The following JPT1 variants were observed in gnomAD, a reference collection of about 807,000 sequenced individuals.
The protein encoded by JPT1 is Jupiter microtubule associated homolog 1, also known as androgen-regulated protein 2.
Under a neutral mutation model 17.0 loss-of-function variants are expected in JPT1, and 5 were observed. The ratio of observed to expected loss-of-function variants is 0.29; its 90% CI spans 0.15 to 0.62. The LOEUF is 0.62. Ranked by LOEUF, JPT1 falls within the 20% of genes least tolerant of loss-of-function variation. The pLI, the probability that JPT1 is intolerant of heterozygous loss-of-function variation, is 0.85. For synonymous variants in JPT1, 71 were observed against 73.6 expected (o/e 0.96, Z 0.18); for missense variants, 158 against 188.1 (o/e 0.84, Z 0.94).
chr17:75,149,449 G>C (rs889454844), intron 1 of JPT1, among the ~76,000 whole-genome samples: 2 of 152,062 alleles, frequency 1.3e-5, no homozygotes, highest in African/African-American at 2.4e-5. Context: ...CTCACTGCAA[G>C]CTCCACCTCC....
At chr17:75,152,758 G>GAA (rs2074574100) in intron 1 of JPT1, 1 of 152,124 alleles carries the variant, frequency 6.6e-6, no homozygotes, top group Non-Finnish European at 1.5e-5. Context: ...AACACAAAAT[G>GAA]AAAAACCAAG....
intron 1 of JPT1, among the ~76,000 whole-genome samples, chr17:75,149,886 TAAGTC>T (rs2074514537): frequency 2.3e-5 from 3 of 128,748 alleles, no homozygotes; most frequent in Non-Finnish European, 3.4e-5. Flanking sequence ...CACACACACT[TAAGTC>T]AGCTTGACCA....
Position 75,154,464 on chromosome 17 carries a change from TG to T in JPT1, c.-68del. 1 of 1,449,522 alleles carries T rather than the reference TG, an allele frequency of 6.9e-7. No individual in the cohort carries two copies. The allele number at this position is 1,449,522 out of a possible 1,614,324, so 89.8% of individuals were successfully genotyped here. A position where few individuals can be genotyped will look rare whatever the true frequency, so the allele number is the denominator to read the frequency against. The stretch of plus-strand genomic sequence containing the variant: ...TCAAAGGGTCGGACCCGAGGGGCGC[TG>T]GGAAACTCCACACCCAACAGCCGAC... On this transcript the variant is annotated 5_prime_UTR_variant, in exon 1 of 5. Transcript: ENST00000409753.
intron 4 of JPT1, 77 bp downstream of exon 4, chr17:75,146,589 A>T (rs2074440147): frequency 2.6e-6 from 3 of 1,140,656 alleles, no homozygotes; most frequent in African/African-American, 3.1e-5. Context: ...TTTCCCCAAG[A>T]CATGATTTAA....
rs76782153 is a variant in JPT1 at position 75,140,184 on chromosome 17, G to A, written c.317-3934C>T. Among the ~76,000 whole-genome samples, 997 of 152,114 alleles carry A rather than the reference G, an allele frequency of 6.6e-3. 12 individuals are homozygous for A. The highest frequency in any genetic ancestry group is 0.022 in the African/African-American group (932 of 41,490). Reference sequence around the variant, plus strand: ...GCACACCTCAGCCTCCCGAAGGGCTGGGATTACAGGCATGAGCCACCGCGC... The same window carrying A: ...GCACACCTCAGCCTCCCGAAGGGCTAGGATTACAGGCATGAGCCACCGCGC... On this transcript the variant is annotated intron_variant, in intron 4 of 4. Transcript: ENST00000409753.
chr17:75,147,584 G>C lies in JPT1; in HGVS notation c.269C>G (p.Ala90Gly), dbSNP rs148356595. Residue 90 changes from alanine (A) to glycine (G), a missense_variant, in exon 3 of 5, where the codon GCA becomes GGA. By Grantham distance (60) the Ala-to-Gly change is moderately conservative. Transcript: ENST00000409753. Reference protein sequence around the residue: ...SGLQRRNSSEASSGDFLDLKG... With the variant: ...SGLQRRNSSEGSSGDFLDLKG... ...CAGATCTAAGAAGTCTCCGGAGCTT[G>C]CTTCAGAGGAGTTCCTTCTCTGCAG... The C allele has an allele frequency of 2.0e-4, 322 of 1,613,762 alleles. 1 individual carries two copies. Among genetic ancestry groups the C allele is most frequent in the Middle Eastern group, 1.8e-3 (11 of 6,062 alleles).
At chr17:75,150,085 T>A (rs2074518842) in intron 1 of JPT1, among the ~76,000 whole-genome samples, 1 of 152,168 alleles carries the variant, frequency 6.6e-6, no homozygotes. Context: ...TTCCTTTGAA[T>A]ATCATCTGTA....
chr17:75,152,829 C>T (rs779762379), intron 1 of JPT1: 2 of 152,168 alleles, frequency 1.3e-5, no homozygotes, highest in African/African-American at 4.8e-5. Context: ...AGAAAGGGAG[C>T]GACCAGTTTC....
rs371693377 is a variant in JPT1 at position 75,136,129 on chromosome 17, G to T, written c.438C>A (p.Gly146=). Reference sequence around the variant, plus strand: ...AACCCAAGACGAGGCTGGACTTGCCGCCAGGGGGATTTCTTCTGGATGGCA... The same window carrying T: ...AACCCAAGACGAGGCTGGACTTGCCTCCAGGGGGATTTCTTCTGGATGGCA... ...APVPSRRNPP[G]GKSSLVLG The change falls in exon 5 of 5, where the codon GGC becomes GGA. Residue 146 remains glycine (G), a synonymous_variant. Coordinates refer to ENST00000409753, the MANE Select transcript of JPT1 (RefSeq NM_016185.4). 6.2e-7 allele frequency: 1 copy of T among 1,614,236 alleles called. No individual in the cohort carries two copies. Among genetic ancestry groups the T allele is most frequent in the South Asian group, 1.1e-5 (1 of 91,084 alleles).
chr17:75,148,474 G>T (rs979586213), intron 2 of JPT1, 55 bp downstream of exon 2: 4 of 1,585,376 alleles, frequency 2.5e-6, no homozygotes, highest in Non-Finnish European at 2.6e-6. Flanking sequence ...CTGCATCTGT[G>T]GCTGTTGATG....
chr17:75,143,565 G>A (rs1351798502), intron 4 of JPT1, among the ~76,000 whole-genome samples: 1 of 151,462 alleles, frequency 6.6e-6, no homozygotes, highest in Non-Finnish European at 1.5e-5. Flanking sequence ...GCCAGGCATG[G>A]TGGCTTACAC....
chr17:75,143,761 G>A (rs1354687723), intron 4 of JPT1, among the ~76,000 whole-genome samples: 1 of 151,426 alleles, frequency 6.6e-6, no homozygotes, highest in African/African-American at 2.4e-5. Context: ...GCTTGAACCT[G>A]GGAGGCAGAG....
intron 1 of JPT1, among the ~76,000 whole-genome samples, chr17:75,152,035 ACT>A (rs2074562717): frequency 1.3e-5 from 2 of 152,148 alleles, no homozygotes; most frequent in East Asian, 1.9e-4. Context: ...GCAAGTCAAA[ACT>A]CTAACCAGTC....
chr17:75,143,976 G>T (rs1360207253), intron 4 of JPT1, among the ~76,000 whole-genome samples: 2 of 152,150 alleles, frequency 1.3e-5, no homozygotes, highest in Non-Finnish European at 2.9e-5. Context: ...TGAGCAATGA[G>T]ATTGTGCCAC....
intron 1 of JPT1, among the ~76,000 whole-genome samples, chr17:75,149,407 G>A (rs367998690): frequency 2.6e-5 from 4 of 151,924 alleles, no homozygotes; most frequent in South Asian, 2.1e-4. Flanking sequence ...TCCCTCTGTC[G>A]CCCAGGCTGG....
chr17:75,148,937 A>G (rs1555652101), intron 1 of JPT1, among the ~76,000 whole-genome samples: 3 of 152,228 alleles, frequency 2.0e-5, no homozygotes, highest in Non-Finnish European at 4.4e-5. Flanking sequence ...CTCATCATAA[A>G]TAACAGCCTG....
At chr17:75,137,726 T>C (rs1333837524) in intron 4 of JPT1, among the ~76,000 whole-genome samples, 1 of 145,536 alleles carries the variant, frequency 6.9e-6, no homozygotes, top group Non-Finnish European at 1.5e-5. Context: ...ACAGGGTCTT[T>C]AACCTCTGCC....
intron 3 of JPT1, among the ~76,000 whole-genome samples, chr17:75,146,985 ATCTCTCCTTTCATTTC>A (rs2074451150): frequency 6.6e-6 from 1 of 152,162 alleles, no homozygotes; most frequent in Non-Finnish European, 1.5e-5. Flanking sequence ...AAACTGGTAA[ATCTCTCCTTTCATTTC>A]TCTCTCCTTT....
chr17:75,149,655 C>T (rs2145192035), intron 1 of JPT1, among the ~76,000 whole-genome samples: 1 of 152,284 alleles, frequency 6.6e-6, no homozygotes, highest in East Asian at 1.9e-4. Flanking sequence ...GCATGAGCCA[C>T]CACGCCCAGC....
Sources: allele counts gnomAD v4.1 joint callset (sites outside exome capture counted in the v4.1 genomes callset), GRCh38; gene constraint gnomAD v4.1.1; transcripts MANE v1.5; gene names NCBI Gene and HGNC (gene_info 2026-07-23, HGNC 2026-07-21).